PEAK1: variants seen among roughly 807,000 people sequenced by gnomAD.
The protein encoded by PEAK1 is pseudopodium enriched atypical kinase 1.
A neutral mutation model predicts 124.7 loss-of-function variants in PEAK1; 54 were observed. The observed-to-expected ratio is 0.43, with a 90% confidence interval of 0.35 to 0.54. The LOEUF is 0.54. Ranked by LOEUF, PEAK1 falls within the 20% of genes least tolerant of loss-of-function variation. PEAK1 has a pLI of 0.01. For synonymous variants in PEAK1, 719 were observed against 760.0 expected, an observed-to-expected ratio of 0.95 and a Z score of 0.89; for missense variants, 2,046 against 2,134.5, an observed-to-expected ratio of 0.96 and a Z score of 0.82.
Position 77,133,842 on chromosome 15 carries a change from AGC to A in PEAK1, c.3332-94_3332-93del. ...AAACTTGAGCAGAAATGAGTGAGGT[AGC>A]CATGGGAATGTAAGAATAAGTCAAC... On this transcript the variant is annotated intron_variant, in intron 8 of 9. Transcript: ENST00000682557. The surrounding 1 kb of genome is among the most constrained non-coding windows in gnomAD (Gnocchi z 4.2). The A allele has an allele frequency of 7.4e-7, 1 of 1,351,380 alleles. No homozygotes were observed. Among genetic ancestry groups the A allele is most frequent in the Non-Finnish European group, 9.8e-7 (1 of 1,017,120 alleles). 83.7% of individuals were successfully genotyped at this position (1,351,380 alleles called of 1,614,324 possible).
intron 2 of PEAK1, chr15:77,345,812 T>C: frequency 1.5e-6 from 1 of 680,158 alleles, no homozygotes; most frequent in Non-Finnish European, 1.8e-6. Context: ...TGATTTGATC[T>C]TTACACATTG....
chr15:77,346,113 A>G, intron 2 of PEAK1: 2 of 985,446 alleles, frequency 2.0e-6, no homozygotes, highest in Non-Finnish European at 2.4e-6. Flanking sequence ...GTTCCAACCA[A>G]GAGTCAAAGC....
Position 77,120,964 on chromosome 15 carries a change from G to C in PEAK1, c.4078-5645C>G, listed in dbSNP as rs952002650. Among the ~76,000 whole-genome samples, 5 of 152,220 alleles carry C rather than the reference G, an allele frequency of 3.3e-5. No homozygotes were observed. The South Asian group carries it at 1.0e-3, about 32-fold the overall frequency. On this transcript the variant is annotated intron_variant, in intron 9 of 9. Transcript: ENST00000682557. ...TTCTCAGGCATTACTTTATCAGAGA[G>C]AGGAAGTGCTAAATACCCTAAACCC...
At chr15:77,198,788 A>T (rs992534692) in intron 6 of PEAK1, among the ~76,000 whole-genome samples, 3 of 152,216 alleles carry the variant, frequency 2.0e-5, no homozygotes, top group African/African-American at 7.2e-5. Context: ...GGATGGTTTG[A>T]TAATTCTAGA....
At chr15:77,282,511 A>G (rs569018294) in intron 5 of PEAK1, among the ~76,000 whole-genome samples, 2 of 152,172 alleles carry the variant, frequency 1.3e-5, no homozygotes, top group Non-Finnish European at 2.9e-5. Context: ...CCACGTGTAC[A>G]AAGGGAATGC....
At chr15:77,128,809 C>G (rs1239160762) in intron 9 of PEAK1, among the ~76,000 whole-genome samples, 2 of 152,136 alleles carry the variant, frequency 1.3e-5, no homozygotes, top group African/African-American at 4.8e-5. Flanking sequence ...TCACCCATAT[C>G]TGATTTAGAT....
chr15:77,381,820 A>G (rs557498342), intron 1 of PEAK1, among the ~76,000 whole-genome samples: 53 of 152,264 alleles, frequency 3.5e-4, no homozygotes, highest in Middle Eastern at 3.4e-3. Context: ...CCCCAAAGCC[A>G]CCTTGATAAA....
At chr15:77,234,917 C>A (rs1053246801) in intron 6 of PEAK1, among the ~76,000 whole-genome samples, 3 of 152,048 alleles carry the variant, frequency 2.0e-5, no homozygotes, top group African/African-American at 7.2e-5. Context: ...GATCAAGGGG[C>A]GGTTTCCTCC....
chr15:77,156,439 C>T (rs993505723), intron 8 of PEAK1: 1 of 153,848 alleles, frequency 6.5e-6, no homozygotes, highest in Non-Finnish European at 1.4e-5. Context: ...TCCCTGACCC[C>T]TTGCGCTTCC....
chr15:77,286,829 AGT>A (rs948263708), intron 2 of PEAK1, among the ~76,000 whole-genome samples: 1 of 152,216 alleles, frequency 6.6e-6, no homozygotes, highest in African/African-American at 2.4e-5. Context: ...TGCATGAAAC[AGT>A]GTAGTTTATT....
chr15:77,148,379 T>C (rs1451359512), intron 8 of PEAK1, among the ~76,000 whole-genome samples: 1 of 152,184 alleles, frequency 6.6e-6, no homozygotes, highest in Non-Finnish European at 1.5e-5. Flanking sequence ...TTTGTTATAA[T>C]TGGCAGATCT....
chr15:77,276,509 T>TG (rs2062336526), intron 5 of PEAK1, among the ~76,000 whole-genome samples: 1 of 151,446 alleles, frequency 6.6e-6, no homozygotes, highest in Non-Finnish European at 1.5e-5. Flanking sequence ...CCTGCAGAAA[T>TG]GAAGAAAAAA....
intron 6 of PEAK1, among the ~76,000 whole-genome samples, chr15:77,251,987 T>A (rs1351213661): frequency 6.6e-6 from 1 of 152,232 alleles, no homozygotes; most frequent in African/African-American, 2.4e-5. Context: ...GCTGTAACAC[T>A]GCCTGTTCAG....
chr15:77,401,241 A>G (rs889248251), intron 1 of PEAK1, among the ~76,000 whole-genome samples: 1 of 152,160 alleles, frequency 6.6e-6, no homozygotes, highest in African/African-American at 2.4e-5. Flanking sequence ...ATGGTTCACA[A>G]TAATATCATC....
chr15:77,407,615 G>A (rs2071939783), intron 1 of PEAK1, among the ~76,000 whole-genome samples: 1 of 152,088 alleles, frequency 6.6e-6, no homozygotes, highest in Non-Finnish European at 1.5e-5. Context: ...TTAGATATTG[G>A]CACGGATGTG....
At chr15:77,207,676 G>T (rs535557909) in intron 6 of PEAK1, among the ~76,000 whole-genome samples, 11 of 152,050 alleles carry the variant, frequency 7.2e-5, no homozygotes, top group Middle Eastern at 3.4e-3. Context: ...GAATAAGGGG[G>T]AACGGAGGAA....
intron 2 of PEAK1, among the ~76,000 whole-genome samples, chr15:77,289,246 T>A (rs1056656564): frequency 1.3e-5 from 2 of 152,186 alleles, no homozygotes; most frequent in South Asian, 4.1e-4. Flanking sequence ...TAAGAAGGTA[T>A]CCCCACTGAA....
At chr15:77,225,820 C>T (rs2059618885) in intron 6 of PEAK1, among the ~76,000 whole-genome samples, 1 of 146,144 alleles carries the variant, frequency 6.8e-6, no homozygotes, top group Admixed American at 6.9e-5. Context: ...TGACGAAACA[C>T]ACAGTCATAA....
chr15:77,181,085 G>C lies in PEAK1; in HGVS notation c.842C>G (p.Ser281Cys). 6.2e-7 allele frequency: 1 copy of C among 1,614,230 alleles called. No individual in the cohort carries two copies. Among genetic ancestry groups the C allele is most frequent in the Non-Finnish European group, 8.5e-7 (1 of 1,180,024 alleles). ...RFANFRANTL[S>C]PVRFFVDKKW... Reference sequence around the variant, plus strand: ...TTTGTCCACAAAGAATCGAACAGGAGACAATGTGTTTGCTCTGAAGTTGGC... The same window carrying C: ...TTTGTCCACAAAGAATCGAACAGGACACAATGTGTTTGCTCTGAAGTTGGC... Residue 281 changes from serine to cysteine, a missense_variant, in exon 7 of 10, where the codon TCT (serine) becomes TGT (cysteine). Transcript: ENST00000682557.
Sources: gnomAD v4.1 joint callset for allele counts (sites outside exome capture counted in the v4.1 genomes callset) on GRCh38, gnomAD v4.1.1 for gene constraint, Gnocchi (gnomAD v3.1) non-coding constraint, MANE v1.5 for transcripts, NCBI Gene and HGNC (gene_info 2026-07-23, HGNC 2026-07-21) for gene names.